Variants in APOLD1 observed in about 807,000 individuals in gnomAD.
APOLD1 encodes apolipoprotein L domain-containing protein 1.
APOLD1 carries 22 observed loss-of-function variants against 15.3 expected under a neutral mutation model. The ratio of observed to expected loss-of-function variants is 1.44; its 90% CI spans 1.03 to 2.05. The LOEUF (loss-of-function observed/expected upper bound fraction) is 2.05. APOLD1 is among the 30% of genes most tolerant of loss of function. The pLI is 0.00. For synonymous variants in APOLD1, 190 were observed against 167.4 expected (o/e 1.13, Z -1.04); for missense variants, 394 against 353.5 (o/e 1.11, Z -0.92).
chr12:12,729,755 TA>T (rs1946621760), intron 1 of APOLD1, among the ~76,000 whole-genome samples: 1 of 151,586 alleles, frequency 6.6e-6, no homozygotes. Flanking sequence ...CTGGCAGCTC[TA>T]AAAAAATAAA....
Position 12,787,301 on chromosome 12 carries a change from A to G in APOLD1, c.396A>G (p.Arg132=). The change falls in exon 2 of 2, where the codon CGA becomes CGG. Residue 132 remains arginine (R), a synonymous_variant. Coordinates refer to ENST00000356591, the MANE Select transcript of APOLD1 (RefSeq NM_030817.3). This position sits in a 1 kb window ranked among gnomAD's most constrained non-coding sequence, Gnocchi z 4.9. ...EIAATCQDQM[R]EILSCLEFFC... ...CGGCCACCTGCCAGGACCAGATGCGAGAGATCCTGAGCTGCCTCGAGTTTT... is the reference window on the plus strand; with the variant it reads ...CGGCCACCTGCCAGGACCAGATGCGGGAGATCCTGAGCTGCCTCGAGTTTT... 1 of 1,611,460 alleles carries G rather than the reference A, an allele frequency of 6.2e-7. No individual in the cohort carries two copies. Among genetic ancestry groups the G allele is most frequent in the Non-Finnish European group, 8.5e-7 (1 of 1,179,154 alleles).
intron 1 of APOLD1, among the ~76,000 whole-genome samples, chr12:12,777,336 G>C: frequency 6.6e-6 from 1 of 152,160 alleles, no homozygotes; most frequent in East Asian, 1.9e-4. Flanking sequence ...AGGAAAGAGT[G>C]GTTGGTCAGT....
Position 12,780,030 on chromosome 12 carries a change from C to T in APOLD1, c.97-6879C>T, listed in dbSNP as rs186728937. The stretch of plus-strand genomic sequence containing the variant: ...TGCAGAATAAGTATTCTAAGTTATA[C>T]CAAGCTGTATAGTCCAAGAGAAAAT... On this transcript the variant is annotated intron_variant, in intron 1 of 1. Transcript: ENST00000326765. Among the ~76,000 whole-genome samples the T allele has an allele frequency of 3.3e-5, 5 of 151,962 alleles. No homozygotes were observed. In the East Asian group the frequency reaches 9.7e-4, roughly 29 times the overall value.
Position 12,731,589 on chromosome 12 carries a change from C to T in APOLD1, c.96+5493C>T, listed in dbSNP as rs971060437. Among the ~76,000 whole-genome samples, 5 of 152,116 alleles carry T rather than the reference C, an allele frequency of 3.3e-5. No homozygotes were observed. The East Asian group carries it at 5.8e-4, about 18-fold the overall frequency. On this transcript the variant is annotated intron_variant, in intron 1 of 1. Transcript: ENST00000326765. Reference sequence around the variant, plus strand: ...AGTTTCTACAAATCCATGAAGAAAACACAAACCAGTAGAAAAATAAGCAAA... The same window carrying T: ...AGTTTCTACAAATCCATGAAGAAAATACAAACCAGTAGAAAAATAAGCAAA...
chr12:12,764,678 C>T (rs775155989), intron 1 of APOLD1: 5 of 490,006 alleles, frequency 1.0e-5, no homozygotes, highest in Non-Finnish European at 8.5e-6. Context: ...GTGAAGGGAC[C>T]CTTCCTGTAG....
intron 1 of APOLD1, among the ~76,000 whole-genome samples, chr12:12,776,621 C>T (rs191989072): frequency 5.3e-5 from 8 of 152,296 alleles, no homozygotes; most frequent in East Asian, 3.9e-4. Flanking sequence ...GAGGAGGAAG[C>T]GGAGCAAACT....
chr12:12,726,838 A>G (rs968997208), intron 1 of APOLD1, among the ~76,000 whole-genome samples: 1 of 152,106 alleles, frequency 6.6e-6, no homozygotes, highest in South Asian at 2.1e-4. Context: ...TCCGCTAGTC[A>G]CTCCTGACCT....
intron 1 of APOLD1, among the ~76,000 whole-genome samples, chr12:12,744,232 C>T (rs1335055500): frequency 6.6e-6 from 1 of 150,956 alleles, no homozygotes; most frequent in Non-Finnish European, 1.5e-5. Flanking sequence ...TCACTTGAGC[C>T]TAGGAGATCA....
chr12:12,751,088 C>T (rs923230123), intron 1 of APOLD1, among the ~76,000 whole-genome samples: 2 of 151,676 alleles, frequency 1.3e-5, no homozygotes, highest in African/African-American at 4.8e-5. Flanking sequence ...CACGCCTGGC[C>T]CCTGAAATAT....
intron 1 of APOLD1, among the ~76,000 whole-genome samples, chr12:12,762,480 G>A (rs189024630): frequency 2.0e-5 from 3 of 151,786 alleles, no homozygotes; most frequent in South Asian, 2.1e-4. Flanking sequence ...TCAGCCTCTC[G>A]AGGAGCTGGG....
intron 1 of APOLD1, among the ~76,000 whole-genome samples, chr12:12,730,699 G>A (rs59768035): frequency 0.48 from 53,195 of 110,712 alleles, 12,632 homozygotes; most frequent in African/African-American, 0.54. Flanking sequence ...AAAAAAAAAA[G>A]AAAGAAAGAA....
In APOLD1 at chr12:12,765,024, G is replaced by A. The variant is rs574749170; in HGVS notation, c.97-21885G>A. On this transcript the variant is annotated intron_variant, in intron 1 of 1. Transcript: ENST00000326765. Reference sequence around the variant, plus strand: ...TGCCATCTTGGAACCTTCATTTCCAGCCATGTAGAGGAAGAGAGAAGGAGC... The same window carrying A: ...TGCCATCTTGGAACCTTCATTTCCAACCATGTAGAGGAAGAGAGAAGGAGC... Among the ~76,000 whole-genome samples, 6 of 152,230 alleles carry A rather than the reference G, an allele frequency of 3.9e-5. No individual in the cohort carries two copies. The South Asian group carries it at 1.2e-3, about 32-fold the overall frequency.
At chr12:12,766,322 A>T (rs1250083657) in intron 1 of APOLD1, among the ~76,000 whole-genome samples, 1 of 142,818 alleles carries the variant, frequency 7.0e-6, no homozygotes, top group East Asian at 2.2e-4. Context: ...GGGCAGGATC[A>T]TGTAATATAG....
chr12:12,783,795 G>A (rs962376084), upstream of APOLD1, among the ~76,000 whole-genome samples: 1 of 151,094 alleles, frequency 6.6e-6, no homozygotes, highest in African/African-American at 2.4e-5. Context: ...CACTATGCCC[G>A]GCCAATTTTT....
At chr12:12,777,304 C>A (rs1592307553) in intron 1 of APOLD1, among the ~76,000 whole-genome samples, 1 of 152,276 alleles carries the variant, frequency 6.6e-6, no homozygotes, top group Admixed American at 6.5e-5. Context: ...AACTTTGATT[C>A]TTAAACTGAT....
intron 1 of APOLD1, chr12:12,771,741 G>T: frequency 3.2e-6 from 1 of 313,060 alleles, no homozygotes; most frequent in Non-Finnish European, 6.3e-6. Context: ...AATAATAATA[G>T]CAATAATGTT....
chr12:12,760,076 C>T (rs1181507168), intron 1 of APOLD1, among the ~76,000 whole-genome samples: 1 of 152,216 alleles, frequency 6.6e-6, no homozygotes, highest in African/African-American at 2.4e-5. Flanking sequence ...CCAGCTCATG[C>T]CTGTCATCCC....
intron 1 of APOLD1, chr12:12,726,247 G>A: frequency 1.3e-6 from 1 of 741,556 alleles, no homozygotes; most frequent in Non-Finnish European, 2.3e-6. Flanking sequence ...CAGCCAGTCG[G>A]TGTCATTTTT....
intron 1 of APOLD1, among the ~76,000 whole-genome samples, chr12:12,773,641 G>T (rs944355314): frequency 6.6e-6 from 1 of 152,078 alleles, no homozygotes; most frequent in Admixed American, 6.6e-5. Flanking sequence ...ATCAAAATCT[G>T]GTTCTTTGAA....
Sources: gnomAD v4.1 joint callset for allele counts (sites outside exome capture counted in the v4.1 genomes callset) on GRCh38, gnomAD v4.1.1 for gene constraint, Gnocchi (gnomAD v3.1) non-coding constraint, MANE v1.5 for transcripts, NCBI Gene and HGNC (gene_info 2026-07-23, HGNC 2026-07-21) for gene names.